Variants in RFX3 observed in about 807,000 individuals in gnomAD.
RFX3 encodes regulatory factor X3, also known as transcription factor RFX3.
Under a neutral mutation model 98.6 loss-of-function variants are expected in RFX3, and 14 were observed. The observed-to-expected ratio is 0.14, with a 90% confidence interval of 0.09 to 0.22. The LOEUF is 0.22. Among genes scored for constraint, RFX3 ranks in the 10% least tolerant of loss-of-function variants. The pLI is 1.00. For synonymous variants in RFX3, 383 were observed against 328.4 expected (o/e 1.17, Z -1.80); for missense variants, 639 against 926.9 (o/e 0.69, Z 4.03).
At chr9:3,404,241 G>C (rs1841749989) in intron 1 of RFX3, among the ~76,000 whole-genome samples, 1 of 152,054 alleles carries the variant, frequency 6.6e-6, no homozygotes, top group African/African-American at 2.4e-5. Context: ...GAAAACACTT[G>C]CTGTAAAACA....
intron 2 of RFX3, among the ~76,000 whole-genome samples, chr9:3,389,115 G>C (rs1299562058): frequency 1.3e-5 from 2 of 152,060 alleles, no homozygotes; most frequent in Non-Finnish European, 2.9e-5. Context: ...AAGAATGAAA[G>C]TTCTGACTTC....
intron 1 of RFX3, among the ~76,000 whole-genome samples, chr9:3,459,529 G>C (rs1847496071): frequency 6.6e-6 from 1 of 152,076 alleles, no homozygotes; most frequent in Non-Finnish European, 1.5e-5. Flanking sequence ...TTTGGATGCA[G>C]TGAGCTAACT....
At chr9:3,230,866 G>A (rs991156402) in intron 15 of RFX3, among the ~76,000 whole-genome samples, 1 of 152,322 alleles carries the variant, frequency 6.6e-6, no homozygotes, top group African/African-American at 2.4e-5. Context: ...CACACAAAGT[G>A]TCTAAAACCA....
chr9:3,411,167 A>G (rs1842436240), intron 1 of RFX3, among the ~76,000 whole-genome samples: 1 of 152,184 alleles, frequency 6.6e-6, no homozygotes, highest in African/African-American at 2.4e-5. Context: ...TCTAAATAAA[A>G]CGGAAAGGTT....
At chr9:3,264,118 C>T (rs2131240132) in intron 12 of RFX3, among the ~76,000 whole-genome samples, 1 of 152,128 alleles carries the variant, frequency 6.6e-6, no homozygotes, top group South Asian at 2.1e-4. Context: ...TTCTTAAACT[C>T]TGTTTATCCC....
chr9:3,383,786 C>A (rs143306898), intron 2 of RFX3, among the ~76,000 whole-genome samples: 86 of 152,170 alleles, frequency 5.7e-4, no homozygotes, highest in African/African-American at 2.0e-3. Flanking sequence ...ACAGAGTGTT[C>A]TGCATGGGGA....
chr9:3,412,724 A>C (rs1430466429), intron 1 of RFX3, among the ~76,000 whole-genome samples: 2 of 152,164 alleles, frequency 1.3e-5, no homozygotes, highest in Admixed American at 1.3e-4. Context: ...ATTCTGTTAC[A>C]GTTATTCTTA....
At chr9:3,332,207 A>G (rs974755777) in intron 3 of RFX3, among the ~76,000 whole-genome samples, 11 of 152,094 alleles carry the variant, frequency 7.2e-5, no homozygotes, top group Admixed American at 2.6e-4. Context: ...TGGGACCACA[A>G]GTGTTTTGGA....
At chr9:3,463,496 T>C (rs1323200563) in intron 1 of RFX3, among the ~76,000 whole-genome samples, 3 of 151,902 alleles carry the variant, frequency 2.0e-5, no homozygotes, top group Non-Finnish European at 4.4e-5. Context: ...AATCAATAAA[T>C]TGGGCTTCAT....
intron 3 of RFX3, among the ~76,000 whole-genome samples, chr9:3,343,457 T>C (rs962949670): frequency 1.3e-5 from 2 of 152,132 alleles, no homozygotes; most frequent in African/African-American, 2.4e-5. Context: ...CTAACGTACA[T>C]GGAAGTGTGC....
chr9:3,358,235 A>G (rs1836000926), intron 2 of RFX3, among the ~76,000 whole-genome samples: 1 of 152,160 alleles, frequency 6.6e-6, no homozygotes, highest in Non-Finnish European at 1.5e-5. Context: ...TTAGGTCTGT[A>G]TGACAATTAT....
intron 3 of RFX3, among the ~76,000 whole-genome samples, chr9:3,334,883 G>A (rs1044961183): frequency 6.6e-6 from 1 of 152,134 alleles, no homozygotes. Flanking sequence ...ACTTTGGGAG[G>A]CTGAGATGGG....
intron 1 of RFX3, among the ~76,000 whole-genome samples, chr9:3,445,769 G>C (rs1315887457): frequency 6.6e-6 from 1 of 152,054 alleles, no homozygotes; most frequent in East Asian, 1.9e-4. Flanking sequence ...ATAATTTCCT[G>C]TTATTTCTCC....
intron 15 of RFX3, among the ~76,000 whole-genome samples, chr9:3,238,427 G>A (rs1227934115): frequency 6.6e-6 from 1 of 152,192 alleles, no homozygotes; most frequent in Non-Finnish European, 1.5e-5. Flanking sequence ...GTGTGCATGT[G>A]TTTGCTGGAA....
intron 1 of RFX3, among the ~76,000 whole-genome samples, chr9:3,474,476 T>C (rs1849050600): frequency 6.6e-6 from 1 of 152,216 alleles, no homozygotes; most frequent in African/African-American, 2.4e-5. Context: ...AATTCCGTGA[T>C]TGTCTCATTG....
intron 1 of RFX3, among the ~76,000 whole-genome samples, chr9:3,517,666 C>G (rs574881941): frequency 6.6e-6 from 1 of 152,320 alleles, no homozygotes; most frequent in South Asian, 2.1e-4. Context: ...ATTGTGCAAA[C>G]ACAGTGTTTA....
At chr9:3,317,686 C>A (rs535150834) in intron 4 of RFX3, among the ~76,000 whole-genome samples, 31 of 152,274 alleles carry the variant, frequency 2.0e-4, no homozygotes, top group African/African-American at 6.3e-4. Context: ...CAAAATCAAA[C>A]AACCCCATCA....
At chr9:3,514,654 G>C (rs12335793) in intron 1 of RFX3, among the ~76,000 whole-genome samples, 15 of 152,050 alleles carry the variant, frequency 9.9e-5, no homozygotes, top group African/African-American at 3.6e-4. Flanking sequence ...TCACTATGTT[G>C]CCCACACTAG....
chr9:3,283,535 A>G (rs906503849), intron 7 of RFX3, among the ~76,000 whole-genome samples: 1 of 151,776 alleles, frequency 6.6e-6, no homozygotes, highest in Admixed American at 6.6e-5. Context: ...TATGAACCCT[A>G]TATTAAGAAA....
Sources: allele counts gnomAD v4.1 joint callset (sites outside exome capture counted in the v4.1 genomes callset), GRCh38; gene constraint gnomAD v4.1.1; transcripts MANE v1.5; gene names NCBI Gene and HGNC (gene_info 2026-07-23, HGNC 2026-07-21).